The following LRRIQ1 variants were observed in gnomAD, a reference collection of about 807,000 sequenced individuals.
The protein encoded by LRRIQ1 is leucine-rich repeat- and IQ domain-containing protein 1.
In LRRIQ1, 210 loss-of-function variants were observed where a neutral mutation model predicts 211.9. The ratio of observed to expected loss-of-function variants is 0.99; its 90% CI spans 0.89 to 1.11. LRRIQ1 has a LOEUF of 1.11. Ranked by LOEUF, LRRIQ1 falls within the 50% of genes most tolerant of loss-of-function variation. The pLI is 0.00. For missense variants in LRRIQ1, 2,136 were observed against 1,939.5 expected, an observed-to-expected ratio of 1.10 and a Z score of -1.90; for synonymous variants, 699 against 650.1, an observed-to-expected ratio of 1.08 and a Z score of -1.14.
In LRRIQ1 at chr12:85,129,806, C is replaced by T. The variant is rs937389248; in HGVS notation, c.4209+1773C>T. ...TGGTGGAATTTGAACAGTGGATTGA[C>T]GTGGTCGAGTTTACTCTCTGTCACA... On this transcript the variant is annotated intron_variant, in intron 18 of 26. Transcript: ENST00000393217. Among the ~76,000 whole-genome samples the T allele has an allele frequency of 7.2e-5, 11 of 152,260 alleles. No homozygotes were observed. In the East Asian group the frequency reaches 9.7e-4, roughly 13 times the overall value.
chr12:85,152,899 ATAATTT>A, intron 20 of LRRIQ1, 119 bp from the exon 21 acceptor site: 1 of 489,802 alleles, frequency 2.0e-6, no homozygotes, highest in Non-Finnish European at 3.3e-6. Flanking sequence ...TCATTTTATT[ATAATTT>A]TAATTTTATA....
chr12:85,052,243 C>A lies in LRRIQ1; in HGVS notation c.745C>A (p.Gln249Lys), dbSNP rs760136518. 1 of 1,491,074 alleles carries A rather than the reference C, an allele frequency of 6.7e-7. No individual in the cohort carries two copies. 92.4% of individuals were successfully genotyped at this position (1,491,074 alleles called of 1,614,324 possible). Residue 249 changes from glutamine (Q) to lysine (K), a missense_variant, in exon 7 of 27, where the codon CAG becomes AAG. Transcript: ENST00000393217. ...GAAAATTTGGAAAGAGAAATTTAAA[C>A]AGCATGAGGTATCTATTTGTTGTTT... ...EEKIWKEKFK[Q>K]HEEYIRNLHL...
At chr12:85,241,314 C>T (rs7967410) in intron 26 of LRRIQ1, among the ~76,000 whole-genome samples, 4,765 of 151,930 alleles carry the variant, frequency 0.031, 240 homozygotes, top group African/African-American at 0.11. Context: ...AGTGCCTTCC[C>T]TACCCACATA....
intron 23 of LRRIQ1, chr12:85,159,389 TG>T (rs1345474282): frequency 1.3e-5 from 2 of 152,062 alleles, no homozygotes; most frequent in East Asian, 3.9e-4. Context: ...GTTTCATTGT[TG>T]ATGTCATAAT....
intron 24 of LRRIQ1, among the ~76,000 whole-genome samples, chr12:85,198,065 A>ATG (rs1491220101): frequency 2.0e-5 from 1 of 50,530 alleles, no homozygotes; most frequent in African/African-American, 3.8e-4. Flanking sequence ...TATATATAAC[A>ATG]TATTATTTAT....
At chr12:85,113,588 G>A (rs981397857) in intron 15 of LRRIQ1, among the ~76,000 whole-genome samples, 10 of 152,054 alleles carry the variant, frequency 6.6e-5, no homozygotes, top group African/African-American at 2.4e-4. Flanking sequence ...TAATTACATT[G>A]TAATGTGTAA....
intron 19 of LRRIQ1, among the ~76,000 whole-genome samples, chr12:85,148,873 T>C (rs772305312): frequency 7.2e-4 from 110 of 152,080 alleles, no homozygotes; most frequent in Admixed American, 2.0e-4. Flanking sequence ...CTCATTGTGG[T>C]TTTGATTTGC....
intron 24 of LRRIQ1, among the ~76,000 whole-genome samples, chr12:85,176,185 G>A (rs1486383295): frequency 6.6e-6 from 1 of 152,030 alleles, no homozygotes; most frequent in Non-Finnish European, 1.5e-5. Context: ...ATTTCCATGA[G>A]CAGTGGTTTG....
intron 10 of LRRIQ1, among the ~76,000 whole-genome samples, 175 bp downstream of exon 10, chr12:85,067,073 T>C (rs992997135): frequency 2.6e-5 from 4 of 151,916 alleles, no homozygotes; most frequent in Non-Finnish European, 4.4e-5. Context: ...AAAAGGAATA[T>C]GCTCTCCCAC....
chr12:85,183,933 G>A (rs1321698696), intron 24 of LRRIQ1, among the ~76,000 whole-genome samples: 1 of 152,016 alleles, frequency 6.6e-6, no homozygotes, highest in Non-Finnish European at 1.5e-5. Context: ...AACCTTACTA[G>A]TTCTAGCAGA....
downstream of LRRIQ1, among the ~76,000 whole-genome samples, chr12:85,267,422 ATAAAG>A (rs149372690): frequency 0.031 from 4,759 of 151,340 alleles, 239 homozygotes; most frequent in African/African-American, 0.11. Flanking sequence ...GATGCATAAA[ATAAAG>A]TAATTTTAGA....
chr12:85,192,809 T>G (rs1445786712), intron 24 of LRRIQ1, among the ~76,000 whole-genome samples: 1 of 98,442 alleles, frequency 1.0e-5, no homozygotes, highest in African/African-American at 4.9e-5. Flanking sequence ...ATACTATAAT[T>G]ATATATAAAT....
chr12:85,139,240 A>T (rs1291366949), intron 19 of LRRIQ1, among the ~76,000 whole-genome samples: 1 of 151,484 alleles, frequency 6.6e-6, no homozygotes, highest in Non-Finnish European at 1.5e-5. Flanking sequence ...AGATCTTTTC[A>T]GCACACCCAT....
chr12:85,049,309 A>G (rs1236505702), intron 6 of LRRIQ1, among the ~76,000 whole-genome samples: 1 of 152,060 alleles, frequency 6.6e-6, no homozygotes, highest in Non-Finnish European at 1.5e-5. Context: ...ACCACATAAC[A>G]TTTTTTTGCA....
intron 24 of LRRIQ1, among the ~76,000 whole-genome samples, chr12:85,173,999 G>A (rs1891557272): frequency 6.6e-6 from 1 of 152,062 alleles, no homozygotes; most frequent in Admixed American, 6.6e-5. Flanking sequence ...CTCTCAGACA[G>A]TAGGGTTTGC....
In LRRIQ1 at chr12:85,099,004, T is replaced by G. The variant is rs772957005; in HGVS notation, c.3209+10T>G. ...CTATCTCTCAAAACAGGTAAAAGCATACTTAAGAAATAAATTCAGTGAATG... is the reference window on the plus strand; with the variant it reads ...CTATCTCTCAAAACAGGTAAAAGCAGACTTAAGAAATAAATTCAGTGAATG... On this transcript the variant is annotated intron_variant, in intron 13 of 26. Coordinates refer to ENST00000393217, the MANE Select transcript of LRRIQ1 (RefSeq NM_001079910.2). The G allele has an allele frequency of 5.3e-6, 8 of 1,512,072 alleles. No individual in the cohort carries two copies. Among genetic ancestry groups the G allele is most frequent in the Admixed American group, 2.0e-5 (1 of 49,018 alleles). The allele number at this position is 1,512,072 out of a possible 1,614,324, so 93.7% of individuals were successfully genotyped here. A position where few individuals can be genotyped will look rare whatever the true frequency, so the allele number is the denominator to read the frequency against.
rs575984917 is a variant in LRRIQ1 at position 85,222,172 on chromosome 12, G to A, written c.4823-7345G>A. Among the ~76,000 whole-genome samples the A allele has an allele frequency of 7.9e-5, 12 of 152,266 alleles. No homozygotes were observed. The South Asian group carries it at 1.5e-3, about 18-fold the overall frequency. ...ATAAACATGAGTTCAATTTTTTGAC[G>A]TGCTTGAAGTATCTGTTGGATATAT... On this transcript the variant is annotated intron_variant, in intron 24 of 26. Transcript: ENST00000393217.
chr12:85,124,792 ATAAT>A (rs778198633), intron 17 of LRRIQ1: 52 of 325,798 alleles, frequency 1.6e-4, no homozygotes, highest in African/African-American at 5.8e-4. Flanking sequence ...TAATTTCTAA[ATAAT>A]TAATATGTTT....
At chr12:85,058,594 T>G (rs961121846) in intron 8 of LRRIQ1, among the ~76,000 whole-genome samples, 1 of 152,100 alleles carries the variant, frequency 6.6e-6, no homozygotes, top group South Asian at 2.1e-4. Context: ...GAAGTTAAGA[T>G]GTGTGAGCCT....
Sources: gnomAD v4.1 joint callset for allele counts (sites outside exome capture counted in the v4.1 genomes callset) on GRCh38, gnomAD v4.1.1 for gene constraint, MANE v1.5 for transcripts, NCBI Gene and HGNC (gene_info 2026-07-23, HGNC 2026-07-21) for gene names.